Variants in ABCB9 observed in about 807,000 individuals in gnomAD.
ABCB9 encodes the protein ATP binding cassette subfamily B member 9.
ABCB9 carries 36 observed loss-of-function variants against 62.0 expected under a neutral mutation model. The observed-to-expected ratio is 0.58, with a 90% CI of 0.45 to 0.77. The LOEUF is 0.77. Ranked by LOEUF, ABCB9 falls within the 30% of genes least tolerant of loss-of-function variation. ABCB9 has a pLI of 0.00. For missense variants in ABCB9, 943 were observed against 1,054.7 expected, an observed-to-expected ratio of 0.89 and a Z score of 1.47; for synonymous variants, 435 against 461.4, an observed-to-expected ratio of 0.94 and a Z score of 0.73.
downstream of ABCB9, among the ~76,000 whole-genome samples, chr12:122,920,591 G>A (rs2034724272): frequency 6.6e-6 from 1 of 152,006 alleles, no homozygotes; most frequent in South Asian, 2.1e-4. Flanking sequence ...GACTTGTTGT[G>A]AGGATTAAAA....
rs1431185230 is a variant in ABCB9 at position 122,959,731 on chromosome 12, C to T, written c.505G>A (p.Ala169Thr). The change falls in exon 2 of 12, where the codon GCG (alanine) becomes ACG (threonine). Residue 169 changes from alanine (A) to threonine (T), a missense_variant. By Grantham distance (58) the Ala-to-Thr change is moderately conservative (BLOSUM62 0). Transcript: ENST00000280560. This position sits in a 1 kb window ranked among gnomAD's most constrained non-coding sequence, Gnocchi z 5.4. ...AGCTTCTGCAGCGTGGCCCCAGACG[C>T]CTGCTCGGGCGGTGGCCGGCCGCTC... ...PGSGRPPPEQASGATLQKLLS... is the reference protein window; with the variant it reads ...PGSGRPPPEQTSGATLQKLLS... The T allele has an allele frequency of 2.5e-6, 4 of 1,611,288 alleles. No homozygotes were observed. The highest frequency in any genetic ancestry group is 1.7e-5 in the Admixed American group (1 of 59,912).
downstream of ABCB9, among the ~76,000 whole-genome samples, chr12:122,920,324 T>C (rs558071896): frequency 6.8e-6 from 1 of 146,776 alleles, no homozygotes; most frequent in South Asian, 2.1e-4. Context: ...CCCCAGCTCC[T>C]GAGGTGCAAC....
At chr12:122,965,021 T>TA (rs2037099592) in intron 1 of ABCB9, among the ~76,000 whole-genome samples, 1 of 151,968 alleles carries the variant, frequency 6.6e-6, no homozygotes, top group Non-Finnish European at 1.5e-5. Context: ...AGACAATAGA[T>TA]AAAAGTTATT....
intron 9 of ABCB9, among the ~76,000 whole-genome samples, chr12:122,936,375 C>T (rs2035462567): frequency 6.6e-6 from 1 of 152,148 alleles, no homozygotes; most frequent in Admixed American, 6.5e-5. Context: ...TGGAGGGGAA[C>T]ATTCATGTCT....
intron 10 of ABCB9, among the ~76,000 whole-genome samples, chr12:122,933,246 A>G (rs1178472625): frequency 1.3e-5 from 2 of 152,080 alleles, no homozygotes; most frequent in Non-Finnish European, 2.9e-5. Context: ...AAACTGACAT[A>G]ACATAAACAT....
In ABCB9 at chr12:122,947,513, T is replaced by C. The variant is rs894217860; in HGVS notation, c.1053+1111A>G. ...GGAGGCCGTCATGCATCCAAGCCCC[T>C]GCTCTAGAAGTACCCCACGTGGGCC... On this transcript the variant is annotated intron_variant, in intron 5 of 11. Coordinates refer to ENST00000280560, the MANE Select transcript of ABCB9 (RefSeq NM_019625.4). This position sits in a 1 kb window ranked among gnomAD's most constrained non-coding sequence, Gnocchi z 6.0. 2.2e-6 allele frequency: 1 copy of C among 453,764 alleles called. No individual in the cohort carries two copies. Among genetic ancestry groups the C allele is most frequent in the Non-Finnish European group, 4.4e-6 (1 of 225,292 alleles). The allele number at this position is 453,764 out of a possible 1,614,324, so 28.1% of individuals were successfully genotyped here. A position where few individuals can be genotyped will look rare whatever the true frequency, so the allele number is the denominator to read the frequency against.
chr12:122,924,468 G>T, downstream of ABCB9: 1 of 512,058 alleles, frequency 2.0e-6, no homozygotes, highest in African/African-American at 2.0e-5. Flanking sequence ...GGACTCAAGT[G>T]ATCCTCCCAC....
At chr12:122,957,229 A>G (rs2135898207) in intron 2 of ABCB9, among the ~76,000 whole-genome samples, 1 of 152,140 alleles carries the variant, frequency 6.6e-6, no homozygotes, top group South Asian at 2.1e-4. Context: ...TTTCTTTTAG[A>G]GACAGGGTCC....
intron 6 of ABCB9, among the ~76,000 whole-genome samples, chr12:122,945,138 A>T (rs576815915): frequency 6.6e-6 from 1 of 152,266 alleles, no homozygotes; most frequent in Non-Finnish European, 1.5e-5. Context: ...ACGGATTGCT[A>T]AGAGGCTCAG....
chr12:122,969,423 T>C (rs1348785258), upstream of ABCB9, among the ~76,000 whole-genome samples: 1 of 152,242 alleles, frequency 6.6e-6, no homozygotes, highest in Non-Finnish European at 1.5e-5. Context: ...GTGAATTGTA[T>C]GGTATGTACA....
At chr12:122,963,066 AG>A (rs1001362779) in intron 1 of ABCB9, among the ~76,000 whole-genome samples, 1 of 152,192 alleles carries the variant, frequency 6.6e-6, no homozygotes, top group Non-Finnish European at 1.5e-5. Flanking sequence ...TGGGAGGCCA[AG>A]ATGGGCAACA....
intron 1 of ABCB9, among the ~76,000 whole-genome samples, chr12:122,972,414 C>T (rs1228868750): frequency 2.0e-5 from 3 of 152,144 alleles, no homozygotes; most frequent in Non-Finnish European, 4.4e-5. Flanking sequence ...AGAAAGCAGT[C>T]GAGAAAAATA....
At chr12:122,972,572 G>A (rs1416714416) in intron 1 of ABCB9, among the ~76,000 whole-genome samples, 2 of 151,916 alleles carry the variant, frequency 1.3e-5, no homozygotes, top group South Asian at 2.1e-4. Context: ...GTGCAGTGGC[G>A]CAATCTCGGC....
At chr12:122,950,268 G>A (rs1223795116) in intron 3 of ABCB9, among the ~76,000 whole-genome samples, 183 bp downstream of exon 3, 1 of 152,190 alleles carries the variant, frequency 6.6e-6, no homozygotes, top group East Asian at 1.9e-4. Flanking sequence ...CAGAGGGTGT[G>A]GTTCTAGGGT....
In ABCB9 at chr12:122,930,290, G is replaced by T; in HGVS notation, c.2041-119C>A. ...TCTGAGGCTCAGTTCACAAACGATG[G>T]CCAGCTTCCTGGGTTTTTCTTAAAG... On this transcript the variant is annotated intron_variant, in intron 11 of 11. Coordinates refer to ENST00000280560, the MANE Select transcript of ABCB9 (RefSeq NM_019625.4). The surrounding 1 kb of genome is among the most constrained non-coding windows in gnomAD (Gnocchi z 4.9). The T allele has an allele frequency of 9.5e-7, 1 of 1,051,102 alleles. No homozygotes were observed. Among genetic ancestry groups the T allele is most frequent in the Non-Finnish European group, 1.3e-6 (1 of 748,370 alleles). 65.1% of individuals were successfully genotyped at this position (1,051,102 alleles called of 1,614,324 possible). A position where few individuals can be genotyped will look rare whatever the true frequency, so the allele number is the denominator to read the frequency against.
In ABCB9 at chr12:122,944,479, C is replaced by T. The variant is rs1159113712; in HGVS notation, c.1292G>A (p.Gly431Glu). The stretch of plus-strand genomic sequence containing the variant: ...CTGGCCTGAGATGACAAGGTGGCCC[C>T]CGTAGTAGAGGATGCTGACCTGGAC... The part of the protein sequence containing the change: ...LVVQVSILYY[G>E]GHLVISGQMT... The change falls in exon 7 of 12, where the codon GGG becomes GAG. Residue 431 changes from glycine to glutamate, a missense_variant. Gly to Glu is a moderately conservative substitution (Grantham distance 98, BLOSUM62 -2). Transcript: ENST00000280560. This position sits in a 1 kb window ranked among gnomAD's most constrained non-coding sequence, Gnocchi z 4.9. 4 of 1,613,924 alleles carry T rather than the reference C, an allele frequency of 2.5e-6. No individual in the cohort carries two copies. Among genetic ancestry groups the T allele is most frequent in the African/African-American group, 1.3e-5 (1 of 74,918 alleles).
chr12:122,963,134 C>T (rs2036997015), intron 1 of ABCB9, among the ~76,000 whole-genome samples: 1 of 152,146 alleles, frequency 6.6e-6, no homozygotes, highest in South Asian at 2.1e-4. Context: ...CCCGTCTCTA[C>T]TAAAAATACA....
downstream of ABCB9, among the ~76,000 whole-genome samples, chr12:122,928,110 C>A (rs998971260): frequency 3.3e-5 from 5 of 152,144 alleles, no homozygotes; most frequent in African/African-American, 9.7e-5. Context: ...CAAAGGACCG[C>A]TAGATGAGAT....
At chr12:122,972,550 G>A (rs764133595) in intron 1 of ABCB9, among the ~76,000 whole-genome samples, 6 of 150,530 alleles carry the variant, frequency 4.0e-5, no homozygotes, top group African/African-American at 9.8e-5. Context: ...TCACTCTGTC[G>A]CCCAGGCTGG....
Sources: gnomAD v4.1 joint callset for allele counts (sites outside exome capture counted in the v4.1 genomes callset) on GRCh38, gnomAD v4.1.1 for gene constraint, Gnocchi (gnomAD v3.1) non-coding constraint, MANE v1.5 for transcripts, NCBI Gene and HGNC (gene_info 2026-07-23, HGNC 2026-07-21) for gene names.